The following EPM2A variants were observed in gnomAD, a reference collection of about 807,000 sequenced individuals.
EPM2A encodes laforin.
In EPM2A, 21 loss-of-function variants were observed where a neutral mutation model predicts 26.5. The ratio of observed to expected loss-of-function variants is 0.79; its 90% CI spans 0.56 to 1.14. The LOEUF is 1.14. Ranked by LOEUF, EPM2A falls within the 50% of genes most tolerant of loss-of-function variation. EPM2A has a pLI of 0.00. For missense variants in EPM2A, 458 were observed against 440.8 expected (o/e 1.04, Z -0.35); for synonymous variants, 217 against 177.6 (o/e 1.22, Z -1.76).
intron 4 of EPM2A, among the ~76,000 whole-genome samples, chr6:145,486,366 C>T (rs931396617): frequency 1.3e-5 from 2 of 152,128 alleles, no homozygotes; most frequent in African/African-American, 4.8e-5. Flanking sequence ...TTATAACATA[C>T]ATTTATATAG....
intron 1 of EPM2A, among the ~76,000 whole-genome samples, chr6:145,694,947 C>T (rs1190400707): frequency 6.6e-6 from 1 of 151,816 alleles, no homozygotes; most frequent in African/African-American, 2.4e-5. Flanking sequence ...GAAAACATAC[C>T]ACTAATTAAT....
At chr6:145,541,275 G>A (rs989593477) in intron 2 of EPM2A, among the ~76,000 whole-genome samples, 4 of 148,868 alleles carry the variant, frequency 2.7e-5, no homozygotes, top group Non-Finnish European at 4.5e-5. Context: ...ATATGTGTGT[G>A]TATATATATA....
At chr6:145,478,675 C>T (rs1485627900) in intron 4 of EPM2A, among the ~76,000 whole-genome samples, 1 of 151,590 alleles carries the variant, frequency 6.6e-6, no homozygotes, top group East Asian at 1.9e-4. Context: ...CTTTAAGAAG[C>T]CTTTTCATTT....
At chr6:145,519,469 C>G (rs541096737) in intron 2 of EPM2A, among the ~76,000 whole-genome samples, 1 of 152,280 alleles carries the variant, frequency 6.6e-6, no homozygotes, top group South Asian at 2.1e-4. Context: ...GGAATCCCCC[C>G]TCCAACTTCA....
In EPM2A at chr6:145,735,068, G is replaced by A. The variant is rs1041715056; in HGVS notation, c.301+130C>T. The A allele has an allele frequency of 1.3e-5, 7 of 543,212 alleles. No homozygotes were observed. The East Asian group carries it at 2.8e-4, about 22-fold the overall frequency. 33.6% of individuals were successfully genotyped at this position (543,212 alleles called of 1,614,324 possible). ...GCCCAGGTCGCCCGGGGAGTGCGCAGGGACGCGGGCAAAAAGCCCGGGACG... is the reference window on the plus strand; with the variant it reads ...GCCCAGGTCGCCCGGGGAGTGCGCAAGGACGCGGGCAAAAAGCCCGGGACG... On this transcript the variant is annotated intron_variant, in intron 1 of 3. Transcript: ENST00000367519.
chr6:145,465,795 G>C (rs559528639), intron 4 of EPM2A, among the ~76,000 whole-genome samples: 1 of 152,172 alleles, frequency 6.6e-6, no homozygotes, highest in South Asian at 2.1e-4. Flanking sequence ...CAGAGATATA[G>C]ATCAATGGAA....
intron 1 of EPM2A, among the ~76,000 whole-genome samples, chr6:145,726,412 G>T (rs1776208917): frequency 6.6e-6 from 1 of 152,058 alleles, no homozygotes; most frequent in Non-Finnish European, 1.5e-5. Context: ...CCCTCAAGCA[G>T]GCAGAACATA....
intron 2 of EPM2A, among the ~76,000 whole-genome samples, chr6:145,573,487 T>G (rs1230950028): frequency 6.6e-6 from 1 of 152,210 alleles, no homozygotes; most frequent in Non-Finnish European, 1.5e-5. Flanking sequence ...CTGTCGTTCT[T>G]CAAGATCCAT....
rs1064797330 is a variant in EPM2A at position 145,627,495 on chromosome 6, T to A, written c.917A>T (p.Asp306Val). ...TTGTGCCCGGGCCAAGGCCTCTTCG[T>A]CAATGTAGACAGCCGGCCTCTTGGC... ...LMAKRPAVYI[D>V]EEALARAQED... The change falls in exon 4 of 4, where the codon GAC (aspartate) becomes GTC (valine). Residue 306 changes from aspartate (D) to valine (V), a missense_variant. Asp to Val is a radical substitution (Grantham distance 152). Transcript: ENST00000367519. 1 of 1,614,242 alleles carries A rather than the reference T, an allele frequency of 6.2e-7. No homozygotes were observed. The highest frequency in any genetic ancestry group is 8.5e-7 in the Non-Finnish European group (1 of 1,180,042).
chr6:145,491,695 G>T, intron 4 of EPM2A: 2 of 452,150 alleles, frequency 4.4e-6, no homozygotes, highest in Non-Finnish European at 9.0e-6. Flanking sequence ...GACCCTTGCC[G>T]GGGACCTGTC....
chr6:145,421,638 A>C (rs942320865), intron 4 of EPM2A, among the ~76,000 whole-genome samples: 1 of 152,052 alleles, frequency 6.6e-6, no homozygotes, highest in African/African-American at 2.4e-5. Flanking sequence ...TAAACCGAAA[A>C]CTTAAATAAG....
intron 2 of EPM2A, among the ~76,000 whole-genome samples, chr6:145,523,227 G>T (rs1412467953): frequency 1.3e-5 from 2 of 152,070 alleles, no homozygotes; most frequent in African/African-American, 4.8e-5. Flanking sequence ...AATGATTGAC[G>T]CAATTCTACA....
At position 145,627,293 on chromosome 6, in the gene EPM2A, T is replaced by C. The variant is rs996439485; in HGVS notation, c.*123A>G. ...CGAAAGTCATCCCAGGTGAAAGTGG[T>C]TGGCTTGGGGGAGGTCACACAGTCC... is the stretch of plus-strand genomic sequence containing the variant. On this transcript the variant is annotated 3_prime_UTR_variant, in exon 4 of 4. Transcript: ENST00000367519. 7 of 1,571,198 alleles carry C rather than the reference T, an allele frequency of 4.5e-6. No homozygotes were observed. The African/African-American group carries it at 5.5e-5, about 12-fold the overall frequency.
At chr6:145,437,403 G>T (rs1319263383) in intron 4 of EPM2A, among the ~76,000 whole-genome samples, 3 of 152,084 alleles carry the variant, frequency 2.0e-5, no homozygotes, top group African/African-American at 7.2e-5. Flanking sequence ...GTTTATAGCG[G>T]TGTAAGAACA....
chr6:145,683,717 A>T (rs1472818321), intron 2 of EPM2A, among the ~76,000 whole-genome samples: 1 of 152,152 alleles, frequency 6.6e-6, no homozygotes, highest in Non-Finnish European at 1.5e-5. Flanking sequence ...CTGTCTTTTC[A>T]TTCAGGGTGG....
In EPM2A at chr6:145,650,227, C is replaced by G. The variant is rs113542110; in HGVS notation, c.477-14741G>C. ...TGATGAGCACTTTCTCCTCTCATTT[C>G]CCCAATAGTCTATATACCTTCTCAA... On this transcript the variant is annotated intron_variant, in intron 2 of 3. Transcript: ENST00000367519. 7.6e-3 allele frequency among the ~76,000 whole-genome samples: 1,156 copies of G among 152,202 alleles called. 17 individuals carry two copies. The highest frequency in any genetic ancestry group is 0.026 in the African/African-American group (1,096 of 41,524).
In EPM2A at chr6:145,597,477, C is replaced by A. The variant is rs6570697; in HGVS notation, c.340+37768G>T. ...GTATGTGACCTGTTTATTTTTTTTT[C>A]TTTTTTTTGGTAAGTTTTACACTAT... On this transcript the variant is annotated intron_variant, in intron 2 of 3. Coordinates refer to the EPM2A transcript ENST00000450221. Among the ~76,000 whole-genome samples the A allele has an allele frequency of 4.2e-3, 521 of 124,640 alleles. 8 individuals carry two copies. Among genetic ancestry groups the A allele is most frequent in the African/African-American group, 0.015 (480 of 32,508 alleles). The allele number at this position is 124,640 out of a possible 152,430, so 81.8% of individuals were successfully genotyped here.
At chr6:145,556,128 G>A (rs150823302) in intron 2 of EPM2A, among the ~76,000 whole-genome samples, 1 of 152,208 alleles carries the variant, frequency 6.6e-6, no homozygotes, top group East Asian at 1.9e-4. Flanking sequence ...TACACATTAG[G>A]TTTTTGTCCC....
At chr6:145,478,723 A>T (rs1286641501) in intron 4 of EPM2A, among the ~76,000 whole-genome samples, 1 of 151,734 alleles carries the variant, frequency 6.6e-6, no homozygotes, top group East Asian at 1.9e-4. Context: ...TTTAGTTGTT[A>T]TAGTTGTTAT....
Sources: gnomAD v4.1 joint callset for allele counts (sites outside exome capture counted in the v4.1 genomes callset) on GRCh38, gnomAD v4.1.1 for gene constraint, MANE v1.5 for transcripts, NCBI Gene and HGNC (gene_info 2026-07-23, HGNC 2026-07-21) for gene names.